SGIP1: variants seen among roughly 807,000 people sequenced by gnomAD.
The protein encoded by SGIP1 is SH3-containing GRB2-like protein 3-interacting protein 1.
In SGIP1, 38 loss-of-function variants were observed where a neutral mutation model predicts 107.5. The observed-to-expected ratio is 0.35, with a 90% CI of 0.27 to 0.46. The LOEUF (loss-of-function observed/expected upper bound fraction) is 0.46, where lower values mean the gene tolerates loss of function less well. Among genes scored for constraint, SGIP1 ranks in the 20% least tolerant of loss-of-function variants. SGIP1 has a pLI of 1.00. For synonymous variants in SGIP1, 365 were observed against 366.1 expected (o/e 1.00, Z 0.03); for missense variants, 929 against 1,019.5 (o/e 0.91, Z 1.21).
At chr1:66,678,701 T>C (rs2085927216) in intron 13 of SGIP1, among the ~76,000 whole-genome samples, 1 of 152,002 alleles carries the variant, frequency 6.6e-6, no homozygotes, top group Non-Finnish European at 1.5e-5. Context: ...TACCTAAAAA[T>C]AATAAATAAA....
At chr1:66,548,348 G>T (rs1213737433) in intron 1 of SGIP1, among the ~76,000 whole-genome samples, 5 of 152,004 alleles carry the variant, frequency 3.3e-5, no homozygotes, top group Non-Finnish European at 7.4e-5. Flanking sequence ...GATTGGAAGG[G>T]ATGGTGGTGC....
rs753572285 is a variant in SGIP1 at position 66,739,493 on chromosome 1, C to T, written c.2190C>T (p.Asp730=). ...ATGTGCAGTTCCTGGTCCCCATCGACGGAGGAGTCACCAAGCTCCAGGCAG... is the reference window on the plus strand; with the variant it reads ...ATGTGCAGTTCCTGGTCCCCATCGATGGAGGAGTCACCAAGCTCCAGGCAG... ...LNNVQFLVPI[D]GGVTKLQAVL... Residue 730 remains aspartate (D), a synonymous_variant, in exon 22 of 25, where the codon GAC becomes GAT. Transcript: ENST00000371037. The T allele has an allele frequency of 4.1e-5, 66 of 1,614,156 alleles. 1 individual carries two copies. Among genetic ancestry groups the T allele is most frequent in the Admixed American group, 1.3e-4 (8 of 60,026 alleles).
At chr1:66,707,168 C>G (rs1205407726) in intron 18 of SGIP1, among the ~76,000 whole-genome samples, 1 of 152,106 alleles carries the variant, frequency 6.6e-6, no homozygotes, top group African/African-American at 2.4e-5. Flanking sequence ...CTGGGTTATG[C>G]TCCATTGTTT....
At chr1:66,637,455 T>TG (rs2076007913) in intron 4 of SGIP1, among the ~76,000 whole-genome samples, 71 of 38,456 alleles carry the variant, frequency 1.8e-3, no homozygotes, top group African/African-American at 0.011. Flanking sequence ...GTGTGTGTGT[T>TG]TGTGTGTGTG....
At chr1:66,686,957 C>T (rs2088490550) in intron 15 of SGIP1, among the ~76,000 whole-genome samples, 1 of 152,060 alleles carries the variant, frequency 6.6e-6, no homozygotes, top group Non-Finnish European at 1.5e-5. Context: ...TTACAAATAC[C>T]TTGTAAGGTA....
At chr1:66,581,258 T>A (rs1412970481) in intron 1 of SGIP1, among the ~76,000 whole-genome samples, 1 of 152,114 alleles carries the variant, frequency 6.6e-6, no homozygotes, top group Non-Finnish European at 1.5e-5. Flanking sequence ...GCATTCAGAC[T>A]GTATATTTTT....
Position 66,739,930 on chromosome 1 carries a change from C to T in SGIP1, c.2234+393C>T, listed in dbSNP as rs1268817411. Among the ~76,000 whole-genome samples, 5 of 152,290 alleles carry T rather than the reference C, an allele frequency of 3.3e-5. No individual in the cohort carries two copies. In the East Asian group the frequency reaches 5.8e-4, roughly 18 times the overall value. ...ACCTCCTTAAGTGCTTCTTGGCACCCACAAACTAGAGGCTAGAGTGGACTC... is the reference window on the plus strand; with the variant it reads ...ACCTCCTTAAGTGCTTCTTGGCACCTACAAACTAGAGGCTAGAGTGGACTC... On this transcript the variant is annotated intron_variant, in intron 22 of 24. Transcript: ENST00000371037.
At chr1:66,695,255 T>TTAAAAAAAAAAAAAAAAA in intron 17 of SGIP1, 179 bp from the exon 18 acceptor site, 1 of 762,648 alleles carries the variant, frequency 1.3e-6, no homozygotes, top group African/African-American at 2.7e-5. Flanking sequence ...TTTCCTGAAC[T>TTAAAAAAAAAAAAAAAAA]AAAAAAAAAA....
At chr1:66,615,357 T>G (rs1284623521) in intron 1 of SGIP1, among the ~76,000 whole-genome samples, 1 of 152,174 alleles carries the variant, frequency 6.6e-6, no homozygotes, top group Non-Finnish European at 1.5e-5. Flanking sequence ...GTTCTCGAAC[T>G]CCTGACCTCA....
intron 1 of SGIP1, among the ~76,000 whole-genome samples, chr1:66,549,668 T>G (rs2057091085): frequency 6.6e-6 from 1 of 152,164 alleles, no homozygotes; most frequent in South Asian, 2.1e-4. Context: ...CTTGAGTCAG[T>G]GAACTTCCCC....
At chr1:66,642,764 T>C (rs1040366022) in intron 5 of SGIP1, 46 bp from the exon 6 acceptor site, 5 of 1,474,010 alleles carry the variant, frequency 3.4e-6, no homozygotes, top group Non-Finnish European at 4.6e-6. Flanking sequence ...AATTTCTTGA[T>C]CACTGTTAGG....
At chr1:66,559,338 T>C (rs546731020) in intron 1 of SGIP1, among the ~76,000 whole-genome samples, 1 of 152,214 alleles carries the variant, frequency 6.6e-6, no homozygotes, top group South Asian at 2.1e-4. Context: ...TGTTTTATCC[T>C]GACTTATGGA....
chr1:66,698,436 T>C (rs1329173611), intron 18 of SGIP1, among the ~76,000 whole-genome samples: 1 of 146,460 alleles, frequency 6.8e-6, no homozygotes, highest in Non-Finnish European at 1.5e-5. Flanking sequence ...TGGAGTGCAA[T>C]GGCTCGATCT....
At chr1:66,533,809 A>G (rs1379788499), upstream of SGIP1, 1 of 153,822 alleles carries the variant, frequency 6.5e-6, no homozygotes, top group African/African-American at 2.4e-5. Flanking sequence ...GCAGCGAGCC[A>G]CTTAGGTGCT....
chr1:66,742,935 T>G, intron 24 of SGIP1, 138 bp from the exon 25 acceptor site: 1 of 785,340 alleles, frequency 1.3e-6, no homozygotes, highest in Non-Finnish European at 2.0e-6. Context: ...TTTATGTATC[T>G]TTTATTCGTA....
At chr1:66,533,918 C>T (rs1251282687), upstream of SGIP1, among the ~76,000 whole-genome samples, 1 of 139,814 alleles carries the variant, frequency 7.2e-6, no homozygotes, top group Non-Finnish European at 1.5e-5. Context: ...CGAGGAGGGG[C>T]GGGGGAAGTG....
At chr1:66,708,553 T>C (rs189191037) in intron 18 of SGIP1, among the ~76,000 whole-genome samples, 1 of 152,340 alleles carries the variant, frequency 6.6e-6, no homozygotes, top group Non-Finnish European at 1.5e-5. Flanking sequence ...TTAACAATAG[T>C]ATTTTTGTTG....
chr1:66,687,185 A>G (rs1387919637), intron 15 of SGIP1, among the ~76,000 whole-genome samples: 1 of 152,100 alleles, frequency 6.6e-6, no homozygotes, highest in Non-Finnish European at 1.5e-5. Flanking sequence ...TTTTATTTTT[A>G]GATCAATTCA....
At chr1:66,637,642 AT>A (rs1384284104) in intron 4 of SGIP1, among the ~76,000 whole-genome samples, 1 of 151,486 alleles carries the variant, frequency 6.6e-6, no homozygotes, top group Non-Finnish European at 1.5e-5. Flanking sequence ...AAACTGGGAA[AT>A]TTTCACTCTG....
Sources: allele counts gnomAD v4.1 joint callset (sites outside exome capture counted in the v4.1 genomes callset), GRCh38; gene constraint gnomAD v4.1.1; transcripts MANE v1.5; gene names NCBI Gene and HGNC (gene_info 2026-07-23, HGNC 2026-07-21).